SLC39A11: variants seen among roughly 807,000 people sequenced by gnomAD.
SLC39A11 encodes the protein solute carrier family 39 member 11.
A neutral mutation model predicts 36.1 loss-of-function variants in SLC39A11; 33 were observed. The observed-to-expected ratio is 0.91, with a 90% confidence interval of 0.69 to 1.22. The LOEUF (loss-of-function observed/expected upper bound fraction) is 1.22. SLC39A11 is among the 50% of genes most tolerant of loss of function. The probability of loss-of-function intolerance (pLI) is 0.00; values close to 1 mark genes in which losing one functional copy is unlikely to be tolerated. For missense variants in SLC39A11, 432 were observed against 430.3 expected (o/e 1.00, Z -0.03); for synonymous variants, 166 against 170.3 (o/e 0.97, Z 0.20).
At chr17:72,724,038 C>T (rs2073820516) in intron 7 of SLC39A11, among the ~76,000 whole-genome samples, 1 of 152,102 alleles carries the variant, frequency 6.6e-6, no homozygotes, top group Admixed American at 6.5e-5. Flanking sequence ...AGACGTGCAA[C>T]TATTGGGCGA....
intron 6 of SLC39A11, among the ~76,000 whole-genome samples, chr17:72,741,243 G>C (rs2074686438): frequency 6.6e-6 from 1 of 152,094 alleles, no homozygotes; most frequent in Non-Finnish European, 1.5e-5. Flanking sequence ...GTTTTTCATA[G>C]AGATGGTCTC....
At chr17:72,814,185 G>C (rs1040940326) in intron 6 of SLC39A11, among the ~76,000 whole-genome samples, 5 of 152,200 alleles carry the variant, frequency 3.3e-5, no homozygotes, top group Non-Finnish European at 7.3e-5. Flanking sequence ...AGCCCCAGGG[G>C]ATTCATGGCT....
At chr17:72,840,014 T>A (rs1250292935) in intron 6 of SLC39A11, among the ~76,000 whole-genome samples, 2 of 152,208 alleles carry the variant, frequency 1.3e-5, no homozygotes, top group Non-Finnish European at 2.9e-5. Context: ...GAAAGCTTAG[T>A]TATAAATCTC....
intron 5 of SLC39A11, among the ~76,000 whole-genome samples, chr17:72,920,960 T>G (rs2083634471): frequency 6.6e-6 from 1 of 152,138 alleles, no homozygotes; most frequent in Non-Finnish European, 1.5e-5. Flanking sequence ...ACTATGTATT[T>G]TGCTCATTTA....
chr17:72,928,610 T>C (rs902366851), intron 5 of SLC39A11, among the ~76,000 whole-genome samples: 1 of 151,882 alleles, frequency 6.6e-6, no homozygotes, highest in Non-Finnish European at 1.5e-5. Context: ...AAAAAAAAAT[T>C]GAATTTCCAG....
At chr17:72,956,637 A>G (rs2086261302) in intron 4 of SLC39A11, among the ~76,000 whole-genome samples, 1 of 152,246 alleles carries the variant, frequency 6.6e-6, no homozygotes, top group South Asian at 2.1e-4. Flanking sequence ...ATCTAATCCT[A>G]GACTTAGTCC....
intron 4 of SLC39A11, among the ~76,000 whole-genome samples, chr17:72,969,450 G>C (rs1048094160): frequency 6.6e-6 from 1 of 152,020 alleles, no homozygotes; most frequent in Non-Finnish European, 1.5e-5. Context: ...CAAAAACCAA[G>C]GCATCTCCGG....
At chr17:72,909,002 A>G (rs2082816314) in intron 5 of SLC39A11, among the ~76,000 whole-genome samples, 1 of 152,242 alleles carries the variant, frequency 6.6e-6, no homozygotes, top group South Asian at 2.1e-4. Context: ...CCAAAGCTAA[A>G]CAGAGGTATC....
At chr17:73,085,076 G>T in intron 2 of SLC39A11, among the ~76,000 whole-genome samples, 1 of 152,180 alleles carries the variant, frequency 6.6e-6, no homozygotes. Context: ...GTGGTGCTTG[G>T]CTTGTCTTGG....
chr17:72,712,126 G>A (rs1207667266), intron 7 of SLC39A11, among the ~76,000 whole-genome samples: 1 of 152,240 alleles, frequency 6.6e-6, no homozygotes, highest in African/African-American at 2.4e-5. Flanking sequence ...AAGACTCAAA[G>A]TTGTTGTCAT....
chr17:73,035,721 G>A (rs566619779), intron 3 of SLC39A11, among the ~76,000 whole-genome samples: 5 of 151,846 alleles, frequency 3.3e-5, no homozygotes, highest in Admixed American at 1.3e-4. Context: ...AAAATTAGCC[G>A]GGCATCGTGG....
At chr17:72,748,669 C>T (rs1236763047) in intron 6 of SLC39A11, among the ~76,000 whole-genome samples, 1 of 152,202 alleles carries the variant, frequency 6.6e-6, no homozygotes, top group Non-Finnish European at 1.5e-5. Flanking sequence ...ATCTCGGAGT[C>T]AATTTCAATT....
At chr17:72,927,908 G>T (rs1302740492) in intron 5 of SLC39A11, among the ~76,000 whole-genome samples, 1 of 151,938 alleles carries the variant, frequency 6.6e-6, no homozygotes, top group East Asian at 1.9e-4. Context: ...CATGAAAAGG[G>T]AACATTTGTA....
chr17:72,663,375 C>A lies in SLC39A11; in HGVS notation c.672-14107G>T, dbSNP rs561401565. Among the ~76,000 whole-genome samples the A allele has an allele frequency of 3.9e-5, 6 of 152,280 alleles. No individual in the cohort carries two copies. The South Asian group carries it at 1.2e-3, about 32-fold the overall frequency. On this transcript the variant is annotated intron_variant, in intron 7 of 9. Transcript: ENST00000255559. ...AGTTGAATGTATGTTCAGAAAAGAGCAGATCCGCCTGCGTTGTACAGGATA... is the reference window on the plus strand; with the variant it reads ...AGTTGAATGTATGTTCAGAAAAGAGAAGATCCGCCTGCGTTGTACAGGATA...
At chr17:72,907,438 C>T (rs1441714255) in intron 5 of SLC39A11, among the ~76,000 whole-genome samples, 2 of 152,076 alleles carry the variant, frequency 1.3e-5, no homozygotes, top group Non-Finnish European at 2.9e-5. Flanking sequence ...TGCAGTGAGC[C>T]GATATCACAC....
At chr17:72,741,889 CA>C (rs1465794025) in intron 6 of SLC39A11, among the ~76,000 whole-genome samples, 1 of 151,984 alleles carries the variant, frequency 6.6e-6, no homozygotes, top group African/African-American at 2.4e-5. Context: ...GCAACATCAT[CA>C]AAAAGAGGTA....
intron 6 of SLC39A11, among the ~76,000 whole-genome samples, chr17:72,816,468 G>A (rs1412988565): frequency 6.6e-6 from 1 of 150,676 alleles, no homozygotes; most frequent in East Asian, 1.9e-4. Flanking sequence ...TTTAAAAGCT[G>A]TGGCACAACT....
intron 4 of SLC39A11, among the ~76,000 whole-genome samples, chr17:72,983,346 A>G (rs1209349637): frequency 1.3e-5 from 2 of 152,116 alleles, no homozygotes; most frequent in Admixed American, 1.3e-4. Context: ...ACGAGGTTTC[A>G]CCATGTTGGC....
chr17:72,847,257 G>A (rs2079091888), intron 6 of SLC39A11, among the ~76,000 whole-genome samples: 2 of 152,130 alleles, frequency 1.3e-5, no homozygotes, highest in Admixed American at 1.3e-4. Flanking sequence ...ACAAAAATTA[G>A]CTGGGCATGA....
Sources: allele counts gnomAD v4.1 joint callset (sites outside exome capture counted in the v4.1 genomes callset), GRCh38; gene constraint gnomAD v4.1.1; transcripts MANE v1.5; gene names NCBI Gene and HGNC (gene_info 2026-07-23, HGNC 2026-07-21).